Variants in DPYD observed in about 807,000 individuals in gnomAD.
DPYD encodes dihydropyrimidine dehydrogenase [NADP(+)].
DPYD carries 109 observed loss-of-function variants against 116.2 expected under a neutral mutation model. The ratio of observed to expected loss-of-function variants is 0.94; its 90% CI spans 0.80 to 1.10. DPYD has a LOEUF of 1.10. Among genes scored for constraint, DPYD ranks in the 50% least tolerant of loss-of-function variants. The pLI is 0.00. For missense variants in DPYD, 1,302 were observed against 1,254.5 expected (o/e 1.04, Z -0.57); for synonymous variants, 440 against 432.0 (o/e 1.02, Z -0.23).
chr1:97,872,612 A>G (rs1024861387), intron 2 of DPYD, among the ~76,000 whole-genome samples: 3 of 151,970 alleles, frequency 2.0e-5, no homozygotes, highest in Non-Finnish European at 4.4e-5. Context: ...CCATGTGTGG[A>G]ATGAAGCACT....
chr1:97,318,994 C>T (rs1223817441), intron 16 of DPYD, among the ~76,000 whole-genome samples: 13 of 90,014 alleles, frequency 1.4e-4, no homozygotes, highest in East Asian at 1.2e-3. Flanking sequence ...GGGTACATAA[C>T]GAAATGAAGG....
Position 97,656,213 on chromosome 1 carries a change from AAGG to A in DPYD, c.850+22879_850+22881del, listed in dbSNP as rs557529354. Among the ~76,000 whole-genome samples the A allele has an allele frequency of 2.6e-3, 389 of 152,272 alleles. 1 individual carries two copies. The highest frequency in any genetic ancestry group is 4.5e-3 in the Non-Finnish European group (306 of 67,990). On this transcript the variant is annotated intron_variant, in intron 8 of 22. Coordinates refer to ENST00000370192, the MANE Select transcript of DPYD (RefSeq NM_000110.4). Reference sequence around the variant, plus strand: ...GTTGTTCTGGCAGCCCAGCAAGAAGAAGGAGAATAATGTTCTCCACTTGTAGCA... The same window carrying A: ...GTTGTTCTGGCAGCCCAGCAAGAAGAAGAATAATGTTCTCCACTTGTAGCA...
intron 16 of DPYD, among the ~76,000 whole-genome samples, chr1:97,334,965 G>A (rs113577354): frequency 3.3e-3 from 506 of 152,258 alleles, no homozygotes; most frequent in South Asian, 0.015. Context: ...GTGTTACCAC[G>A]GAGGTTCTGT....
chr1:97,211,502 A>G (rs1188700197), intron 19 of DPYD, among the ~76,000 whole-genome samples: 1 of 152,140 alleles, frequency 6.6e-6, no homozygotes, highest in African/African-American at 2.4e-5. Flanking sequence ...TACATAATAC[A>G]CTGTTTGATA....
At chr1:97,906,313 T>C (rs1673617357) in intron 1 of DPYD, among the ~76,000 whole-genome samples, 1 of 152,178 alleles carries the variant, frequency 6.6e-6, no homozygotes, top group African/African-American at 2.4e-5. Context: ...TGAATGTGAA[T>C]TTATAACATG....
At chr1:97,746,651 G>T (rs1269777891) in intron 3 of DPYD, among the ~76,000 whole-genome samples, 1 of 151,976 alleles carries the variant, frequency 6.6e-6, no homozygotes, top group African/African-American at 2.4e-5. Context: ...AAGACGTGAT[G>T]GAAATTGTAT....
chr1:97,483,152 G>A (rs774344019), intron 13 of DPYD, among the ~76,000 whole-genome samples: 10 of 152,154 alleles, frequency 6.6e-5, no homozygotes, highest in African/African-American at 1.9e-4. Flanking sequence ...CTCTGTTTCC[G>A]GAGAAATTCC....
At chr1:97,123,040 T>C (rs1652569129) in intron 20 of DPYD, among the ~76,000 whole-genome samples, 1 of 152,140 alleles carries the variant, frequency 6.6e-6, no homozygotes, top group Admixed American at 6.6e-5. Flanking sequence ...TCTATTATCT[T>C]TAAAGTAAAG....
At chr1:97,730,486 AT>A (rs1389649582) in intron 4 of DPYD, among the ~76,000 whole-genome samples, 2 of 152,098 alleles carry the variant, frequency 1.3e-5, no homozygotes, top group South Asian at 2.1e-4. Flanking sequence ...GGCCTCCCAA[AT>A]TGAGGGGATT....
At chr1:97,125,311 A>G (rs1652752792) in intron 20 of DPYD, among the ~76,000 whole-genome samples, 1 of 152,146 alleles carries the variant, frequency 6.6e-6, no homozygotes, top group Non-Finnish European at 1.5e-5. Flanking sequence ...TATCTTGATC[A>G]CATGAGATCG....
chr1:97,742,950 T>G (rs765439325), intron 3 of DPYD, among the ~76,000 whole-genome samples: 39 of 152,264 alleles, frequency 2.6e-4, no homozygotes, highest in Non-Finnish European at 4.9e-4. Flanking sequence ...TTTCTGCTTT[T>G]CTTTTTTCTA....
At chr1:97,213,130 C>A (rs1345828728) in intron 19 of DPYD, among the ~76,000 whole-genome samples, 3 of 151,998 alleles carry the variant, frequency 2.0e-5, no homozygotes, top group Non-Finnish European at 2.9e-5. Flanking sequence ...TATAAGGGCA[C>A]CACCCTCTGA....
Position 97,609,833 on chromosome 1 carries a change from A to C in DPYD, c.851-14667T>G, listed in dbSNP as rs184075334. On this transcript the variant is annotated intron_variant, in intron 8 of 22. Coordinates refer to ENST00000370192, the MANE Select transcript of DPYD (RefSeq NM_000110.4). ...TTTTATTCATAAGAAAGAAAAAAAT[A>C]TGCTTTAAAGATTAGTAGGTAATTA... 8.2e-3 allele frequency among the ~76,000 whole-genome samples: 1,252 copies of C among 152,128 alleles called. 19 individuals are homozygous for C. Among genetic ancestry groups the C allele is most frequent in the African/African-American group, 0.028 (1,180 of 41,538 alleles).
chr1:97,860,476 A>T (rs1050436658), intron 2 of DPYD, among the ~76,000 whole-genome samples: 1 of 152,188 alleles, frequency 6.6e-6, no homozygotes, highest in Admixed American at 6.5e-5. Context: ...AAAACAAATG[A>T]AATAAAACAT....
intron 20 of DPYD, among the ~76,000 whole-genome samples, chr1:97,169,492 T>C (rs746198769): frequency 2.3e-4 from 34 of 145,980 alleles, no homozygotes; most frequent in Non-Finnish European, 4.8e-4. Context: ...CCTATGATAA[T>C]TGATTAGATT....
Position 97,706,151 on chromosome 1 carries a change from A to G in DPYD, c.484-6604T>C, listed in dbSNP as rs189407902. Among the ~76,000 whole-genome samples, 999 of 152,142 alleles carry G rather than the reference A, an allele frequency of 6.6e-3. 11 individuals carry two copies. The highest frequency in any genetic ancestry group is 0.023 in the African/African-American group (950 of 41,530). On this transcript the variant is annotated intron_variant, in intron 5 of 22. Coordinates refer to ENST00000370192, the MANE Select transcript of DPYD (RefSeq NM_000110.4). The stretch of plus-strand genomic sequence containing the variant: ...ATATTTTAATATATTAAATTCATAC[A>G]TTCTGATAAAATAGATTTTGATATA...
At chr1:97,418,911 A>G (rs1674429537) in intron 14 of DPYD, among the ~76,000 whole-genome samples, 1 of 152,172 alleles carries the variant, frequency 6.6e-6, no homozygotes, top group African/African-American at 2.4e-5. Context: ...CTGAAAAAGG[A>G]AAAATAAGTA....
intron 8 of DPYD, among the ~76,000 whole-genome samples, chr1:97,644,480 G>A (rs1437856779): frequency 6.6e-6 from 1 of 152,064 alleles, no homozygotes; most frequent in East Asian, 1.9e-4. Flanking sequence ...CCTGTCTGAA[G>A]TGCAGTGTCA....
intron 14 of DPYD, among the ~76,000 whole-genome samples, chr1:97,384,632 TAAGAGTG>T (rs1012988849): frequency 6.6e-6 from 1 of 151,740 alleles, no homozygotes; most frequent in African/African-American, 2.4e-5. Context: ...ATTATATGAG[TAAGAGTG>T]AAGAGTGATT....
Sources: gnomAD v4.1 joint callset for allele counts (sites outside exome capture counted in the v4.1 genomes callset) on GRCh38, gnomAD v4.1.1 for gene constraint, MANE v1.5 for transcripts, NCBI Gene and HGNC (gene_info 2026-07-23, HGNC 2026-07-21) for gene names.